Variants in THEM4 observed in about 807,000 individuals in gnomAD.
THEM4 encodes the protein thioesterase superfamily member 4.
In THEM4, 22 loss-of-function variants were observed where a neutral mutation model predicts 25.0. That is an observed-to-expected ratio of 0.88 (90% CI 0.63 to 1.26). The LOEUF (loss-of-function observed/expected upper bound fraction) is 1.26. Ranked by LOEUF, THEM4 falls within the 50% of genes most tolerant of loss-of-function variation. THEM4 has a pLI of 0.00. For missense variants in THEM4, 286 were observed against 300.3 expected (o/e 0.95, Z 0.35); for synonymous variants, 113 against 105.6 (o/e 1.07, Z -0.43).
intron 4 of THEM4, among the ~76,000 whole-genome samples, chr1:151,880,129 G>A (rs1468665326): frequency 6.6e-6 from 1 of 151,714 alleles, no homozygotes; most frequent in Non-Finnish European, 1.5e-5. Context: ...TGGGACTATA[G>A]ATGTGCACCA....
chr1:151,874,939 A>G lies in THEM4; in HGVS notation c.683-11T>C. 1 of 1,609,708 alleles carries G rather than the reference A, an allele frequency of 6.2e-7. No homozygotes were observed. Among genetic ancestry groups the G allele is most frequent in the Non-Finnish European group, 8.5e-7 (1 of 1,175,966 alleles). ...GCTTTATAAATAAGCCTAAACAAAC[A>G]AAATAACAGCAGATGATTATATGTC... is the stretch of plus-strand genomic sequence containing the variant. On this transcript the variant is annotated splice_polypyrimidine_tract_variant and intron_variant, in intron 5 of 5. Transcript: ENST00000368814.
chr1:151,888,681 A>G (rs1470808272), intron 3 of THEM4, among the ~76,000 whole-genome samples: 1 of 152,180 alleles, frequency 6.6e-6, no homozygotes, highest in East Asian at 1.9e-4. Flanking sequence ...TTTTATTATT[A>G]GTCAAGTGTG....
Position 151,893,880 on chromosome 1 carries a change from G to A in THEM4, c.286+1128C>T, listed in dbSNP as rs762205447. Among the ~76,000 whole-genome samples the A allele has an allele frequency of 3.0e-4, 45 of 151,656 alleles. 1 individual carries two copies. The highest frequency in any genetic ancestry group is 6.6e-4 in the Admixed American group (10 of 15,240). On this transcript the variant is annotated intron_variant, in intron 2 of 5. Coordinates refer to ENST00000368814, the MANE Select transcript of THEM4 (RefSeq NM_053055.5). ...TTCTCTTTTTTTTTTTGTAGGGGGG[G>A]AGACAGTCTCACTCTGTTGCCCAGG...
At position 151,878,309 on chromosome 1, in the gene THEM4, C is replaced by A. The variant is rs76253896; in HGVS notation, c.558-1184G>T. Among the ~76,000 whole-genome samples the A allele has an allele frequency of 3.2e-3, 489 of 152,294 alleles. 4 individuals are homozygous for A. Among genetic ancestry groups the A allele is most frequent in the African/African-American group, 0.011 (473 of 41,572 alleles). On this transcript the variant is annotated intron_variant, in intron 4 of 5. Transcript: ENST00000368814. ...CCTCCACTCCACACACACATAGTGA[C>A]CAGTTGTGGGGGTGGGCACAGGCTG...
At position 151,887,649 on chromosome 1, in the gene THEM4, G is replaced by T. The variant is rs538870919; in HGVS notation, c.557+624C>A. Among the ~76,000 whole-genome samples, 10 of 151,380 alleles carry T rather than the reference G, an allele frequency of 6.6e-5. No individual in the cohort carries two copies. The East Asian group carries it at 1.4e-3, about 21-fold the overall frequency. ...GTGTGTGTGTGTTTTTGTTGTTGTTGTTTTTTTTACAGTTGGGGTCTTGTT... is the reference window on the plus strand; with the variant it reads ...GTGTGTGTGTGTTTTTGTTGTTGTTTTTTTTTTTACAGTTGGGGTCTTGTT... On this transcript the variant is annotated intron_variant, in intron 4 of 5. Transcript: ENST00000368814.
chr1:151,885,630 G>A (rs1378597035), intron 4 of THEM4, among the ~76,000 whole-genome samples: 7 of 152,238 alleles, frequency 4.6e-5, no homozygotes, highest in Non-Finnish European at 1.0e-4. Flanking sequence ...CATGTTGCAT[G>A]AAGAAATCGA....
At chr1:151,887,661 G>A (rs1171408469) in intron 4 of THEM4, among the ~76,000 whole-genome samples, 3 of 151,916 alleles carry the variant, frequency 2.0e-5, no homozygotes, top group African/African-American at 4.8e-5. Context: ...TTTTTTTACA[G>A]TTGGGGTCTT....
At chr1:151,902,296 G>A (rs1340603204) in intron 1 of THEM4, among the ~76,000 whole-genome samples, 1 of 152,168 alleles carries the variant, frequency 6.6e-6, no homozygotes, top group Non-Finnish European at 1.5e-5. Flanking sequence ...GCAAATCATG[G>A]AACCAACCCA....
chr1:151,905,221 C>T (rs73005926), intron 1 of THEM4, among the ~76,000 whole-genome samples: 3,393 of 152,276 alleles, frequency 0.022, 137 homozygotes, highest in African/African-American at 0.078. Context: ...CATTGGCAGA[C>T]GCAAGGAGCC....
chr1:151,895,725 C>T (rs1030091071), intron 1 of THEM4, among the ~76,000 whole-genome samples: 3 of 151,584 alleles, frequency 2.0e-5, no homozygotes, highest in Non-Finnish European at 2.9e-5. Flanking sequence ...ATGTGTGTTC[C>T]CGCTCAAATC....
chr1:151,904,905 C>A (rs1188958109), intron 1 of THEM4, among the ~76,000 whole-genome samples: 2 of 151,974 alleles, frequency 1.3e-5, no homozygotes, highest in Non-Finnish European at 2.9e-5. Context: ...TTTAGTTTGG[C>A]AGGGGTTGAA....
At chr1:151,886,987 A>G (rs967356029) in intron 4 of THEM4, among the ~76,000 whole-genome samples, 2 of 152,256 alleles carry the variant, frequency 1.3e-5, no homozygotes, top group Non-Finnish European at 2.9e-5. Context: ...AAATGACATG[A>G]CTTTGTATAT....
chr1:151,909,313 T>C (rs1654544603), intron 1 of THEM4, 47 bp downstream of exon 1: 2 of 1,459,994 alleles, frequency 1.4e-6, no homozygotes, highest in Non-Finnish European at 1.8e-6. Flanking sequence ...CGCAGGCGTG[T>C]TTCTGAGTCC....
chr1:151,871,720 C>A lies in THEM4; in HGVS notation c.*3168G>T, dbSNP rs183509947. Among the ~76,000 whole-genome samples, 149 of 152,262 alleles carry A rather than the reference C, an allele frequency of 9.8e-4. 1 individual carries two copies. The highest frequency in any genetic ancestry group is 1.9e-3 in the Admixed American group (29 of 15,292). The stretch of plus-strand genomic sequence containing the variant: ...AACTGTAAAGGGAAAAAAGTGGATA[C>A]GAAGGGAGGCAGGCATACTTAACAT... On this transcript the variant is annotated 3_prime_UTR_variant, in exon 6 of 6. Transcript: ENST00000368814.
At chr1:151,904,131 T>C (rs776401156) in intron 1 of THEM4, among the ~76,000 whole-genome samples, 3 of 152,184 alleles carry the variant, frequency 2.0e-5, no homozygotes, top group Non-Finnish European at 2.9e-5. Context: ...GGAGGGGGCC[T>C]GCTCCAAGCG....
intron 2 of THEM4, chr1:151,894,801 T>G (rs544649809): frequency 3.2e-6 from 2 of 627,332 alleles, no homozygotes; most frequent in African/African-American, 1.8e-5. Flanking sequence ...AATGCCAGGG[T>G]GGGAGCAGTC....
intron 2 of THEM4, 165 bp downstream of exon 2, chr1:151,894,843 A>G (rs940751147): frequency 1.3e-6 from 1 of 768,456 alleles, no homozygotes; most frequent in African/African-American, 1.8e-5. Context: ...ATGCTCTCCA[A>G]TCTGCAAAAT....
intron 2 of THEM4, chr1:151,890,085 T>C: frequency 2.8e-6 from 1 of 363,108 alleles, no homozygotes; most frequent in South Asian, 2.0e-5. Flanking sequence ...TCTGTATTTT[T>C]AGTAGAGACG....
chr1:151,899,482 C>CA (rs58168472), intron 1 of THEM4, among the ~76,000 whole-genome samples: 34,919 of 94,236 alleles, frequency 0.37, 4,913 homozygotes, highest in Admixed American at 0.49. Flanking sequence ...CAGAGTGAGT[C>CA]AAAAAAAAAA....
Sources: allele counts gnomAD v4.1 joint callset (sites outside exome capture counted in the v4.1 genomes callset), GRCh38; gene constraint gnomAD v4.1.1; transcripts MANE v1.5; gene names NCBI Gene and HGNC (gene_info 2026-07-23, HGNC 2026-07-21).